ADGRB3: variants seen among roughly 807,000 people sequenced by gnomAD.
ADGRB3 encodes adhesion G protein-coupled receptor B3.
A neutral mutation model predicts 193.4 loss-of-function variants in ADGRB3; 37 were observed. The observed-to-expected ratio is 0.19, with a 90% CI of 0.15 to 0.25. The LOEUF is 0.25. Among genes scored for constraint, ADGRB3 ranks in the 10% least tolerant of loss-of-function variants. ADGRB3 has a pLI of 1.00. For synonymous variants in ADGRB3, 690 were observed against 644.2 expected (o/e 1.07, Z -1.08); for missense variants, 1,637 against 1,852.9 (o/e 0.88, Z 2.14).
intron 28 of ADGRB3, among the ~76,000 whole-genome samples, chr6:69,360,169 G>C (rs1769421998): frequency 6.6e-6 from 1 of 151,750 alleles, no homozygotes; most frequent in African/African-American, 2.4e-5. Context: ...GGTTCATAAA[G>C]TGTTTTTTTC....
intron 11 of ADGRB3, among the ~76,000 whole-genome samples, chr6:68,996,237 A>T (rs1441482736): frequency 6.6e-6 from 1 of 151,958 alleles, no homozygotes; most frequent in Non-Finnish European, 1.5e-5. Context: ...TGCCTCTTTC[A>T]TCCATTCTTT....
At chr6:68,710,062 C>G (rs1197620994) in intron 3 of ADGRB3, among the ~76,000 whole-genome samples, 1 of 152,180 alleles carries the variant, frequency 6.6e-6, no homozygotes, top group African/African-American at 2.4e-5. Flanking sequence ...GGTCCTGGAG[C>G]TAGTCTGTGG....
chr6:68,729,458 C>T (rs2127330503), intron 3 of ADGRB3, among the ~76,000 whole-genome samples: 1 of 151,744 alleles, frequency 6.6e-6, no homozygotes, highest in Admixed American at 6.6e-5. Flanking sequence ...TTGATGAATA[C>T]TGTGGCTGTA....
chr6:68,831,131 C>T (rs752955403), intron 3 of ADGRB3, among the ~76,000 whole-genome samples: 3 of 151,530 alleles, frequency 2.0e-5, no homozygotes, highest in African/African-American at 2.4e-5. Context: ...TGCTGCATTA[C>T]GGTAGGGAAA....
At chr6:69,271,641 A>G (rs949906188) in intron 20 of ADGRB3, among the ~76,000 whole-genome samples, 1 of 152,120 alleles carries the variant, frequency 6.6e-6, no homozygotes, top group African/African-American at 2.4e-5. Flanking sequence ...CATATTGTCT[A>G]ACTTGTTCTA....
intron 20 of ADGRB3, among the ~76,000 whole-genome samples, chr6:69,275,549 A>G (rs1767283808): frequency 1.3e-5 from 2 of 152,094 alleles, no homozygotes; most frequent in African/African-American, 4.8e-5. Context: ...CTTTTCATCA[A>G]GACATAAAAA....
intron 3 of ADGRB3, among the ~76,000 whole-genome samples, chr6:68,655,315 G>T (rs1280345915): frequency 6.6e-6 from 1 of 151,314 alleles, no homozygotes; most frequent in Non-Finnish European, 1.5e-5. Context: ...TTTTTTTGTT[G>T]TTTCTGTTTT....
chr6:69,208,583 T>C (rs1328795993), intron 17 of ADGRB3, among the ~76,000 whole-genome samples: 1 of 152,196 alleles, frequency 6.6e-6, no homozygotes, highest in African/African-American at 2.4e-5. Flanking sequence ...AGCTGTCCAC[T>C]TTAGGGTGGT....
Position 69,254,076 on chromosome 6 carries a change from C to T in ADGRB3, c.2814+14850C>T, listed in dbSNP as rs79659150. On this transcript the variant is annotated intron_variant, in intron 20 of 31. Transcript: ENST00000370598. ...TTAAAAAAGTAATTTAAAAAGAGCA[C>T]AAGGACCAGAATGTATGCCAAGCAA... 4.8e-3 allele frequency among the ~76,000 whole-genome samples: 738 copies of T among 152,234 alleles called. 7 individuals are homozygous for T. Among genetic ancestry groups the T allele is most frequent in the African/African-American group, 0.017 (703 of 41,560 alleles).
chr6:68,656,954 A>T (rs1178109447), intron 3 of ADGRB3, among the ~76,000 whole-genome samples: 2 of 151,562 alleles, frequency 1.3e-5, no homozygotes, highest in African/African-American at 4.8e-5. Flanking sequence ...AGAAGTGGGA[A>T]GTTCTCTTAA....
chr6:68,780,203 G>A (rs763892691), intron 3 of ADGRB3, among the ~76,000 whole-genome samples: 14 of 151,992 alleles, frequency 9.2e-5, no homozygotes, highest in Non-Finnish European at 1.5e-4. Context: ...GAATGAAACT[G>A]CTATTTGTCC....
intron 17 of ADGRB3, among the ~76,000 whole-genome samples, chr6:69,102,142 C>T (rs902205746): frequency 7.6e-5 from 11 of 143,994 alleles, no homozygotes; most frequent in Admixed American, 5.7e-4. Context: ...GGCGCCACTG[C>T]ACTCCAGCCT....
At chr6:68,879,674 G>T (rs7454736) in intron 3 of ADGRB3, among the ~76,000 whole-genome samples, 14,236 of 152,150 alleles carry the variant, frequency 0.094, 882 homozygotes, top group Non-Finnish European at 0.13. Flanking sequence ...GTTTCAGGGA[G>T]AACTTTCTTT....
intron 3 of ADGRB3, among the ~76,000 whole-genome samples, chr6:68,708,280 C>A (rs893155952): frequency 6.6e-6 from 1 of 152,152 alleles, no homozygotes; most frequent in Non-Finnish European, 1.5e-5. Flanking sequence ...TTATGTTCAA[C>A]TTTTTAGTGA....
In ADGRB3 at chr6:68,796,162, A is replaced by G. The variant is rs79726692; in HGVS notation, c.758-134397A>G. On this transcript the variant is annotated intron_variant, in intron 3 of 31. Coordinates refer to ENST00000370598, the MANE Select transcript of ADGRB3 (RefSeq NM_001704.3). Reference sequence around the variant, plus strand: ...AGAAATTAGTACATCACAGAAATGTATTGAATTATATGAAAATAATATATA... The same window carrying G: ...AGAAATTAGTACATCACAGAAATGTGTTGAATTATATGAAAATAATATATA... Among the ~76,000 whole-genome samples, 209 of 152,268 alleles carry G rather than the reference A, an allele frequency of 1.4e-3. 3 individuals are homozygous for G. The East Asian group carries it at 0.038, about 28-fold the overall frequency.
intron 3 of ADGRB3, among the ~76,000 whole-genome samples, chr6:68,749,108 T>TTTGACCAAGAG (rs1562014553): frequency 1.3e-5 from 2 of 152,124 alleles, no homozygotes; most frequent in South Asian, 2.1e-4. Context: ...CTGGGCCTCT[T>TTTGACCAAGAG]GGTCTATGAT....
intron 3 of ADGRB3, among the ~76,000 whole-genome samples, chr6:68,880,631 G>GGGAGCAAA (rs1765706960): frequency 6.6e-6 from 1 of 152,072 alleles, no homozygotes; most frequent in East Asian, 1.9e-4. Context: ...CAAGGGGTTT[G>GGGAGCAAA]TACTTTATAA....
At chr6:69,343,260 T>C (rs187152038) in intron 26 of ADGRB3, among the ~76,000 whole-genome samples, 116 of 151,746 alleles carry the variant, frequency 7.6e-4, no homozygotes, top group African/African-American at 2.6e-3. Context: ...TGTATACATG[T>C]GCCATGCTGG....
intron 3 of ADGRB3, among the ~76,000 whole-genome samples, chr6:68,769,058 T>G (rs891250366): frequency 5.9e-5 from 9 of 152,120 alleles, no homozygotes; most frequent in Non-Finnish European, 1.0e-4. Flanking sequence ...GGAGAGGATG[T>G]GGAGAAATAG....
Sources: allele counts gnomAD v4.1 joint callset (sites outside exome capture counted in the v4.1 genomes callset), GRCh38; gene constraint gnomAD v4.1.1; transcripts MANE v1.5; gene names NCBI Gene and HGNC (gene_info 2026-07-23, HGNC 2026-07-21).